RADX: variants seen among roughly 807,000 people sequenced by gnomAD.
RADX encodes RPA1 related single stranded DNA binding protein, X-linked, also known as RPA-related protein RADX.
RADX carries 36 observed loss-of-function variants against 61.6 expected under a neutral mutation model. That is an observed-to-expected ratio of 0.58 (90% confidence interval 0.45 to 0.77). RADX has a LOEUF of 0.77. Among genes scored for constraint, RADX ranks in the 30% least tolerant of loss-of-function variants. The pLI is 0.00. For synonymous variants in RADX, 272 were observed against 237.9 expected, an observed-to-expected ratio of 1.14 and a Z score of -1.32; for missense variants, 497 against 651.1, an observed-to-expected ratio of 0.76 and a Z score of 2.58.
intron 13 of RADX, among the ~76,000 whole-genome samples, chrX:106,673,477 C>A (rs1245350406): frequency 2.7e-5 from 3 of 110,082 alleles, no homozygotes; most frequent in Non-Finnish European, 5.7e-5. Context: ...CCCTATCCTG[C>A]TATGCCCTAT....
At chrX:106,674,796 C>A (rs1036473640) in intron 13 of RADX, among the ~76,000 whole-genome samples, 1 of 111,406 alleles carries the variant, frequency 9.0e-6, no homozygotes, top group African/African-American at 3.3e-5. Flanking sequence ...GAGGCCAAGG[C>A]GGGCGGATCA....
rs370255784 is a variant in RADX, at chrX:106,612,169, C to T, written c.89C>T (p.Pro30Leu). 19 of 1,209,957 alleles carry T rather than the reference C, an allele frequency of 1.6e-5. No homozygotes were observed. Among genetic ancestry groups the T allele is most frequent in the African/African-American group, 7.0e-5 (4 of 57,184 alleles). ...CCTGAGAGGAATCGGGCTGGGGTCC[C>T]GGGAGGGGTGATCCGAAGAGCTGGT... Reference protein sequence around the residue: ...PNPERNRAGVPGGVIRRAGSQ... With the variant: ...PNPERNRAGVLGGVIRRAGSQ... Residue 30 changes from proline (P) to leucine (L), a missense_variant, in exon 1 of 14, where the codon CCG (proline) becomes CTG (leucine). By Grantham distance (98) the Pro-to-Leu change is moderately conservative (BLOSUM62 -3). Transcript: ENST00000372548.
intron 13 of RADX, among the ~76,000 whole-genome samples, chrX:106,675,175 G>A (rs1928476356): frequency 8.9e-6 from 1 of 112,075 alleles, no homozygotes; most frequent in African/African-American, 3.2e-5. Context: ...CATTTTGGAA[G>A]TACAGCATGG....
chrX:106,633,242 T>C lies in RADX; in HGVS notation c.1293T>C (p.Asn431=), dbSNP rs747030177. The C allele has an allele frequency of 6.7e-6, 8 of 1,198,319 alleles. No homozygotes were observed. In the East Asian group the frequency reaches 2.4e-4, roughly 36 times the overall value. ...FSTSQPEIFE[N]IYPMAYFVCT... ...CATCGCAGCCAGAAATCTTTGAAAA[T>C]ATTTACCCAAGTAAGCGATTTTTAA... The change falls in exon 6 of 14, where the codon AAT becomes AAC. Residue 431 remains asparagine (N), a synonymous_variant. Transcript: ENST00000372548.
chrX:106,644,208 T>C (rs1024731561), intron 10 of RADX, among the ~76,000 whole-genome samples: 1 of 111,599 alleles, frequency 9.0e-6, no homozygotes, highest in African/African-American at 3.2e-5. Flanking sequence ...TAAAATCATA[T>C]CCTCTGCAAA....
At chrX:106,643,140 C>A (rs1664272854) in intron 10 of RADX, among the ~76,000 whole-genome samples, 1 of 111,171 alleles carries the variant, frequency 9.0e-6, no homozygotes, top group African/African-American at 3.3e-5. Flanking sequence ...TTTTGAGAAA[C>A]GTCTATTCAA....
At chrX:106,666,287 A>G (rs970930007) in intron 12 of RADX, among the ~76,000 whole-genome samples, 4 of 112,268 alleles carry the variant, frequency 3.6e-5, no homozygotes, top group Non-Finnish European at 7.5e-5. Context: ...TGATGAGTCA[A>G]TCAAAGTTTA....
chrX:106,676,821 C>G (rs1281886940), intron 13 of RADX, among the ~76,000 whole-genome samples: 1 of 112,026 alleles, frequency 8.9e-6, no homozygotes, highest in Non-Finnish European at 1.9e-5. Flanking sequence ...GCATGAAGGT[C>G]AGCCACAGAT....
intron 13 of RADX, among the ~76,000 whole-genome samples, chrX:106,676,557 C>T (rs1375951823): frequency 8.9e-6 from 1 of 112,013 alleles, no homozygotes. Flanking sequence ...GTTACTTAAC[C>T]TCTAATTGTT....
chrX:106,620,235 T>G (rs1244140034), intron 1 of RADX, among the ~76,000 whole-genome samples: 1 of 112,258 alleles, frequency 8.9e-6, no homozygotes, highest in Non-Finnish European at 1.9e-5. Context: ...ATGCCACGCT[T>G]CTCACTACAT....
At chrX:106,638,074 G>A (rs1569425083) in intron 8 of RADX, 150 bp downstream of exon 8, 2 of 449,232 alleles carry the variant, frequency 4.5e-6, no homozygotes, top group African/African-American at 5.0e-5. Flanking sequence ...TCTTAATGCA[G>A]ATCTAAAAAT....
At position 106,637,774 on chromosome X, in the gene RADX, C is replaced by T; in HGVS notation, c.1423C>T (p.Pro475Ser). 1 of 1,200,788 alleles carries T rather than the reference C, an allele frequency of 8.3e-7. No homozygotes were observed. Among genetic ancestry groups the T allele is most frequent in the Non-Finnish European group, 1.1e-6 (1 of 889,929 alleles). The change falls in exon 8 of 14, where the codon CCG (proline) becomes TCG (serine). Residue 475 changes from proline (P) to serine (S), a missense_variant. This residue lies in a region of RADX where 267 missense variants were observed against 306.9 expected (regional missense o/e 0.87). Transcript: ENST00000372548. ...CCCGCGAGGAGGTCATAGAGGCCAG[C>T]CGTATACGTATGATGCCAAGGTAAA... ...GVFITGHRGQ[P>S]YTYDAKVKNF...
chrX:106,615,704 C>CT (rs542464055), intron 1 of RADX, among the ~76,000 whole-genome samples: 2,222 of 104,114 alleles, frequency 0.021, 63 homozygotes, highest in African/African-American at 0.071. Context: ...ATCCACAACT[C>CT]TTTTTTTTTT....
intron 13 of RADX, among the ~76,000 whole-genome samples, chrX:106,675,687 C>T (rs776025385): frequency 1.8e-5 from 2 of 112,351 alleles, no homozygotes; most frequent in East Asian, 2.8e-4. Flanking sequence ...TCACACTTAA[C>T]TTATGCATTT....
chrX:106,649,840 T>C (rs1423429202), intron 11 of RADX, among the ~76,000 whole-genome samples: 3 of 111,283 alleles, frequency 2.7e-5, no homozygotes, highest in African/African-American at 6.5e-5. Context: ...ATCTGGCCGA[T>C]TGAAAACCCA....
At chrX:106,614,783 T>A (rs1926760881) in intron 1 of RADX, among the ~76,000 whole-genome samples, 1 of 111,731 alleles carries the variant, frequency 9.0e-6, no homozygotes, top group South Asian at 3.7e-4. Context: ...CTGTTCTTTT[T>A]CTCTTAACTT....
At chrX:106,635,050 A>C in intron 6 of RADX, among the ~76,000 whole-genome samples, 1 of 112,056 alleles carries the variant, frequency 8.9e-6, no homozygotes, top group East Asian at 2.8e-4. Flanking sequence ...TCATTAAATT[A>C]ATGGTGAGTA....
intron 10 of RADX, among the ~76,000 whole-genome samples, chrX:106,645,820 A>G (rs1927644240): frequency 9.0e-6 from 1 of 111,331 alleles, no homozygotes; most frequent in Admixed American, 9.6e-5. Context: ...TTTTCTGTCT[A>G]GAAGATTTGT....
chrX:106,673,679 T>TCCCC (rs1331044844), intron 13 of RADX, among the ~76,000 whole-genome samples: 5 of 85,170 alleles, frequency 5.9e-5, no homozygotes, highest in African/African-American at 2.6e-4. Flanking sequence ...CTCCCCCCCA[T>TCCCC]CCCCCCCCAC....
Sources: allele counts gnomAD v4.1 joint callset (sites outside exome capture counted in the v4.1 genomes callset), GRCh38; gene constraint gnomAD v4.1.1; regional missense constraint gnomAD v4.1.1; transcripts MANE v1.5; gene names NCBI Gene and HGNC (gene_info 2026-07-23, HGNC 2026-07-21).